Variants in TRIM9 observed in about 807,000 individuals in gnomAD.
TRIM9 encodes tripartite motif containing 9, also known as E3 ubiquitin-protein ligase TRIM9.
TRIM9 carries 26 observed loss-of-function variants against 78.3 expected under a neutral mutation model. The observed-to-expected ratio is 0.33, with a 90% confidence interval of 0.24 to 0.46. TRIM9 has a LOEUF of 0.46. TRIM9 is among the 20% of genes least tolerant of loss of function. TRIM9 has a pLI of 1.00. For synonymous variants in TRIM9, 398 were observed against 416.5 expected, an observed-to-expected ratio of 0.96 and a Z score of 0.54; for missense variants, 787 against 1,036.4, an observed-to-expected ratio of 0.76 and a Z score of 3.30.
chr14:50,978,484 CTG>C (rs537074310), intron 12 of TRIM9, among the ~76,000 whole-genome samples: 123 of 152,302 alleles, frequency 8.1e-4, no homozygotes, highest in South Asian at 6.8e-3. Flanking sequence ...GCCTTAGAAA[CTG>C]TGCACAGGCT....
intron 1 of TRIM9, among the ~76,000 whole-genome samples, chr14:51,080,559 A>G (rs912865113): frequency 1.6e-4 from 24 of 152,070 alleles, no homozygotes; most frequent in African/African-American, 5.8e-4. Context: ...TCTTGGCAAT[A>G]TGTACTGTGT....
At chr14:51,003,546 A>C (rs766706669) in intron 5 of TRIM9, among the ~76,000 whole-genome samples, 6 of 152,210 alleles carry the variant, frequency 3.9e-5, no homozygotes, top group Non-Finnish European at 7.3e-5. Context: ...ACATAGGTAT[A>C]ATTAAAAAAG....
At position 51,094,969 on chromosome 14, in the gene TRIM9, G is replaced by T. The variant is rs754408931; in HGVS notation, c.-30C>A. ...ACCGGTCTGGGAGGAGACAGCGACG[G>T]CTGCAGCGGGTGCCTGAGCTGGCGA... On this transcript the variant is annotated 5_prime_UTR_variant, in exon 1 of 13. Coordinates refer to ENST00000684578, the MANE Select transcript of TRIM9 (RefSeq NM_001387360.1). 3 of 1,388,334 alleles carry T rather than the reference G, an allele frequency of 2.2e-6. No homozygotes were observed. Among genetic ancestry groups the T allele is most frequent in the Non-Finnish European group, 2.8e-6 (3 of 1,066,606 alleles). 86.0% of individuals were successfully genotyped at this position (1,388,334 alleles called of 1,614,324 possible).
At chr14:51,073,043 C>A (rs1258682165) in intron 1 of TRIM9, among the ~76,000 whole-genome samples, 2 of 151,946 alleles carry the variant, frequency 1.3e-5, no homozygotes, top group East Asian at 3.9e-4. Context: ...TTAGCAGACA[C>A]CACATCAAAG....
chr14:50,989,002 C>T (rs1047527265), intron 7 of TRIM9, among the ~76,000 whole-genome samples: 2 of 152,190 alleles, frequency 1.3e-5, no homozygotes, highest in Admixed American at 6.5e-5. Flanking sequence ...TCTAGACATA[C>T]CTCTTTGGGA....
At position 50,999,423 on chromosome 14, in the gene TRIM9, C is replaced by T. The variant is rs1442609653; in HGVS notation, c.1465-1235G>A. Among the ~76,000 whole-genome samples the T allele has an allele frequency of 4.0e-5, 6 of 151,854 alleles. 1 individual carries two copies. Among genetic ancestry groups the T allele is most frequent in the Admixed American group, 2.6e-4 (4 of 15,240 alleles). ...AAAGACATGAAATGGAACCTGAGGC[C>T]CTTATCTTGGAAAGAAAGAAATTAG... On this transcript the variant is annotated intron_variant, in intron 6 of 12. Coordinates refer to ENST00000684578, the MANE Select transcript of TRIM9 (RefSeq NM_001387360.1).
intron 1 of TRIM9, among the ~76,000 whole-genome samples, chr14:51,063,733 A>G (rs749247092): frequency 9.2e-5 from 14 of 152,136 alleles, no homozygotes; most frequent in Non-Finnish European, 1.6e-4. Context: ...TTTACATCCA[A>G]AGAAAATATC....
rs572574224 is a variant in TRIM9, at chr14:51,094,949, T to C, written c.-10A>G. 6.9e-7 allele frequency: 1 copy of C among 1,441,362 alleles called. No homozygotes were observed. Among genetic ancestry groups the C allele is most frequent in the East Asian group, 2.4e-5 (1 of 41,560 alleles). 89.3% of individuals were successfully genotyped at this position (1,441,362 alleles called of 1,614,324 possible). On this transcript the variant is annotated 5_prime_UTR_variant, in exon 1 of 13. Coordinates refer to ENST00000684578, the MANE Select transcript of TRIM9 (RefSeq NM_001387360.1). ...CTTCCATCTCCTCCATGGGGACCGG[T>C]CTGGGAGGAGACAGCGACGGCTGCA...
intron 1 of TRIM9, among the ~76,000 whole-genome samples, chr14:51,068,564 C>T (rs776293729): frequency 1.3e-5 from 2 of 152,122 alleles, no homozygotes; most frequent in African/African-American, 2.4e-5. Context: ...TTTTTATCCC[C>T]GTTTTACAGA....
At chr14:50,989,033 C>T (rs1005250185) in intron 7 of TRIM9, among the ~76,000 whole-genome samples, 8 of 152,170 alleles carry the variant, frequency 5.3e-5, no homozygotes, top group African/African-American at 9.7e-5. Flanking sequence ...CCAATTGTAG[C>T]GTTACTATCT....
intron 1 of TRIM9, among the ~76,000 whole-genome samples, chr14:51,091,553 T>C (rs74054053): frequency 0.022 from 3,418 of 152,292 alleles, 83 homozygotes; most frequent in African/African-American, 0.06. Flanking sequence ...ATAAACTATA[T>C]GAGAAAACTG....
chr14:51,062,324 G>A (rs1232060484), intron 1 of TRIM9, among the ~76,000 whole-genome samples: 2 of 152,078 alleles, frequency 1.3e-5, no homozygotes, highest in African/African-American at 4.8e-5. Context: ...CTTTGGTCCT[G>A]ATGAGGTGGT....
chr14:51,072,206 T>TC (rs1394393600), intron 1 of TRIM9, among the ~76,000 whole-genome samples: 3 of 152,188 alleles, frequency 2.0e-5, no homozygotes, highest in Non-Finnish European at 4.4e-5. Context: ...TTCTTTTTTT[T>TC]CATAGGGAAA....
intron 3 of TRIM9, 127 bp downstream of exon 3, chr14:51,022,708 C>T (rs1170073678): frequency 3.5e-6 from 5 of 1,441,420 alleles, no homozygotes; most frequent in Non-Finnish European, 3.7e-6. Flanking sequence ...GGCCAGACCA[C>T]TGGCTACCCA....
At chr14:50,982,773 A>G in intron 10 of TRIM9, 169 bp downstream of exon 10, 1 of 573,316 alleles carries the variant, frequency 1.7e-6, no homozygotes, top group Non-Finnish European at 2.9e-6. Context: ...TTCGGACATT[A>G]GGTGCAGATA....
chr14:51,030,618 T>G (rs1299923850), intron 1 of TRIM9, among the ~76,000 whole-genome samples: 1 of 152,074 alleles, frequency 6.6e-6, no homozygotes, highest in African/African-American at 2.4e-5. Flanking sequence ...CATATGCCTG[T>G]GAGTGTGTGA....
intron 1 of TRIM9, among the ~76,000 whole-genome samples, chr14:51,030,935 C>T (rs1382179632): frequency 1.3e-5 from 2 of 151,794 alleles, no homozygotes; most frequent in Non-Finnish European, 2.9e-5. Context: ...TCACTTGAGG[C>T]CAGGAGTTCA....
rs2051952720 is a variant in TRIM9 at position 50,981,786 on chromosome 14, G to C, written c.2162+14C>G. ...CCAACGTGAAGAAGGCTTGGTTTGG[G>C]GGCTGCAGGGTACCTGTTGGTGTGC... On this transcript the variant is annotated intron_variant, in intron 11 of 12. Transcript: ENST00000684578. The C allele has an allele frequency of 6.2e-7, 1 of 1,613,178 alleles. No homozygotes were observed. Among genetic ancestry groups the C allele is most frequent in the Non-Finnish European group, 8.5e-7 (1 of 1,179,194 alleles).
intron 7 of TRIM9, among the ~76,000 whole-genome samples, chr14:50,988,542 GT>G (rs1260498155): frequency 1.3e-5 from 2 of 148,250 alleles, no homozygotes; most frequent in African/African-American, 5.0e-5. Flanking sequence ...AATCAGGCAA[GT>G]TTATTTAACA....
Sources: allele counts gnomAD v4.1 joint callset (sites outside exome capture counted in the v4.1 genomes callset), GRCh38; gene constraint gnomAD v4.1.1; transcripts MANE v1.5; gene names NCBI Gene and HGNC (gene_info 2026-07-23, HGNC 2026-07-21).